PTPRG: variants seen among roughly 807,000 people sequenced by gnomAD.
PTPRG encodes the protein receptor-type tyrosine-protein phosphatase gamma.
In PTPRG, 102 loss-of-function variants were observed where a neutral mutation model predicts 165.3. The observed-to-expected ratio is 0.62, with a 90% CI of 0.53 to 0.73. The LOEUF (loss-of-function observed/expected upper bound fraction) is 0.73. Ranked by LOEUF, PTPRG falls within the 30% of genes least tolerant of loss-of-function variation. The probability of loss-of-function intolerance (pLI) is 0.00; values close to 1 mark genes in which losing one functional copy is unlikely to be tolerated. For missense variants in PTPRG, 1,866 were observed against 1,861.4 expected (o/e 1.00, Z -0.05); for synonymous variants, 675 against 669.5 (o/e 1.01, Z -0.13).
chr3:62,175,457 GAAAAGA>G (rs1407845088), intron 8 of PTPRG, among the ~76,000 whole-genome samples: 1 of 152,110 alleles, frequency 6.6e-6, no homozygotes, highest in African/African-American at 2.4e-5. Flanking sequence ...CTCTTAAAAA[GAAAAGA>G]AAAAGAAAGT....
chr3:62,173,839 G>A (rs112598749), intron 8 of PTPRG, among the ~76,000 whole-genome samples: 1,732 of 152,220 alleles, frequency 0.011, 14 homozygotes, highest in Middle Eastern at 0.037. Context: ...TGGACGTCCT[G>A]GAATAGAGAA....
At chr3:61,821,703 G>A (rs1182489261) in intron 2 of PTPRG, among the ~76,000 whole-genome samples, 1 of 152,146 alleles carries the variant, frequency 6.6e-6, no homozygotes, top group Admixed American at 6.5e-5. Context: ...AACAGTAGAG[G>A]GTAAGGGGTC....
At chr3:61,803,485 T>A (rs2035315074) in intron 2 of PTPRG, among the ~76,000 whole-genome samples, 1 of 126,280 alleles carries the variant, frequency 7.9e-6, no homozygotes, top group Non-Finnish European at 1.6e-5. Flanking sequence ...TGGTTCATGT[T>A]GTCCATGTTG....
At chr3:62,136,582 C>G in intron 6 of PTPRG, among the ~76,000 whole-genome samples, 1 of 152,096 alleles carries the variant, frequency 6.6e-6, no homozygotes, top group African/African-American at 2.4e-5. Context: ...TGGCTGTGTC[C>G]CACCTAAATC....
chr3:62,147,542 G>A (rs1431093440), intron 6 of PTPRG, among the ~76,000 whole-genome samples: 1 of 152,160 alleles, frequency 6.6e-6, no homozygotes, highest in Non-Finnish European at 1.5e-5. Context: ...TTCATATCAA[G>A]TCATTGTTTA....
intron 2 of PTPRG, among the ~76,000 whole-genome samples, chr3:61,928,333 C>A (rs529995112): frequency 2.6e-5 from 4 of 152,202 alleles, no homozygotes; most frequent in Admixed American, 6.5e-5. Flanking sequence ...CCACACAGAC[C>A]TTAGAATGTG....
chr3:61,812,625 C>T (rs970392893), intron 2 of PTPRG, among the ~76,000 whole-genome samples: 2 of 152,204 alleles, frequency 1.3e-5, no homozygotes, highest in African/African-American at 2.4e-5. Context: ...GATAACTCCT[C>T]GTTAGCTGCT....
chr3:62,181,207 C>T lies in PTPRG; in HGVS notation c.1034-10262C>T, dbSNP rs181695704. Reference sequence around the variant, plus strand: ...CACTTAGGAGAATCTGGGGGCAACTCCGCACCAGGGTCCCACATCGGAAGA... The same window carrying T: ...CACTTAGGAGAATCTGGGGGCAACTTCGCACCAGGGTCCCACATCGGAAGA... On this transcript the variant is annotated intron_variant, in intron 8 of 29. Transcript: ENST00000474889. Among the ~76,000 whole-genome samples the T allele has an allele frequency of 1.2e-4, 18 of 152,306 alleles. No homozygotes were observed. In the East Asian group the frequency reaches 3.3e-3, roughly 28 times the overall value.
At chr3:62,139,077 A>G (rs1703827095) in intron 6 of PTPRG, among the ~76,000 whole-genome samples, 1 of 151,910 alleles carries the variant, frequency 6.6e-6, no homozygotes, top group Admixed American at 6.6e-5. Flanking sequence ...CCCCTTCCTC[A>G]CTGTCACTTT....
chr3:61,919,135 C>G (rs2039015151), intron 2 of PTPRG, among the ~76,000 whole-genome samples: 1 of 152,176 alleles, frequency 6.6e-6, no homozygotes, highest in Non-Finnish European at 1.5e-5. Context: ...GAGATCTGAA[C>G]TAGCATGCTT....
intron 2 of PTPRG, among the ~76,000 whole-genome samples, chr3:61,871,143 G>A (rs147768015): frequency 0.077 from 10,006 of 129,500 alleles, 504 homozygotes; most frequent in African/African-American, 0.14. Context: ...GTGTTGTGTT[G>A]TGTTGTGTTG....
chr3:62,062,038 G>A (rs1051515222), intron 4 of PTPRG, among the ~76,000 whole-genome samples: 28 of 151,604 alleles, frequency 1.8e-4, no homozygotes, highest in African/African-American at 6.3e-4. Flanking sequence ...GGTGGCTCAC[G>A]CCTGTAATCC....
chr3:61,818,075 C>T (rs895930344), intron 2 of PTPRG, among the ~76,000 whole-genome samples: 2 of 152,070 alleles, frequency 1.3e-5, no homozygotes, highest in African/African-American at 2.4e-5. Flanking sequence ...ATGTTAAGAA[C>T]TAGAAAAGCT....
At position 62,262,797 on chromosome 3, in the gene PTPRG, G is replaced by C; in HGVS notation, c.2560-1G>C. The C allele has an allele frequency of 6.2e-7, 1 of 1,606,966 alleles. No individual in the cohort carries two copies. Among genetic ancestry groups the C allele is most frequent in the Non-Finnish European group, 8.5e-7 (1 of 1,176,518 alleles). On this transcript the variant is annotated splice_acceptor_variant, in intron 16 of 29. Coordinates refer to ENST00000474889, the MANE Select transcript of PTPRG (RefSeq NM_002841.4). LOFTEE classifies it high-confidence loss of function. ...TATAATCTTGCTGTTTTCTTCACTA[G>C]GAAGTCCAGCGCTGTACTGCTGATA...
intron 2 of PTPRG, among the ~76,000 whole-genome samples, chr3:61,921,162 T>TC (rs1214890338): frequency 1.4e-5 from 2 of 147,146 alleles, no homozygotes; most frequent in African/African-American, 5.0e-5. Flanking sequence ...CTTCCTTCCT[T>TC]CTTACCTATC....
intron 2 of PTPRG, among the ~76,000 whole-genome samples, chr3:61,793,659 A>G (rs1000092205): frequency 6.6e-6 from 1 of 152,218 alleles, no homozygotes; most frequent in East Asian, 1.9e-4. Context: ...AAAAATAATA[A>G]TAACAAGCTA....
chr3:61,888,538 A>T (rs748292384), intron 2 of PTPRG, among the ~76,000 whole-genome samples: 8 of 152,028 alleles, frequency 5.3e-5, no homozygotes, highest in Non-Finnish European at 1.0e-4. Context: ...TCACCGTGTT[A>T]GCCAGGATGG....
chr3:62,011,719 T>TA (rs1469591544), intron 4 of PTPRG, among the ~76,000 whole-genome samples: 1 of 152,250 alleles, frequency 6.6e-6, no homozygotes, highest in African/African-American at 2.4e-5. Flanking sequence ...ACTTAGAGAA[T>TA]ACTCAGTGGA....
At chr3:62,094,900 C>A (rs1281615536) in intron 5 of PTPRG, among the ~76,000 whole-genome samples, 3 of 152,234 alleles carry the variant, frequency 2.0e-5, no homozygotes, top group African/African-American at 7.2e-5. Context: ...ATTCCCACAT[C>A]AGGAAGGCTG....
Sources: gnomAD v4.1 joint callset for allele counts (sites outside exome capture counted in the v4.1 genomes callset) on GRCh38, gnomAD v4.1.1 for gene constraint, MANE v1.5 for transcripts, NCBI Gene and HGNC (gene_info 2026-07-23, HGNC 2026-07-21) for gene names.